CADM2: variants seen among roughly 807,000 people sequenced by gnomAD.
CADM2 encodes the protein cell adhesion molecule 2.
CADM2 carries 12 observed loss-of-function variants against 49.8 expected under a neutral mutation model. The ratio of observed to expected loss-of-function variants is 0.24; its 90% CI spans 0.15 to 0.39. CADM2 has a LOEUF of 0.39. CADM2 is among the 10% of genes least tolerant of loss of function. The pLI, the probability that CADM2 is intolerant of heterozygous loss-of-function variation, is 1.00. For missense variants in CADM2, 378 were observed against 492.3 expected, an observed-to-expected ratio of 0.77 and a Z score of 2.20; for synonymous variants, 214 against 175.4, an observed-to-expected ratio of 1.22 and a Z score of -1.74.
intron 2 of CADM2, among the ~76,000 whole-genome samples, chr3:85,753,770 C>A (rs546614111): frequency 6.6e-6 from 1 of 151,958 alleles, no homozygotes; most frequent in Admixed American, 6.6e-5. Flanking sequence ...TTAGTGGCCG[C>A]GAACTCGTAT....
intron 8 of CADM2, among the ~76,000 whole-genome samples, chr3:85,986,004 AT>A (rs1198432547): frequency 6.6e-6 from 1 of 152,052 alleles, no homozygotes; most frequent in Non-Finnish European, 1.5e-5. Context: ...TGACTTCAAA[AT>A]AAAATAAGCT....
intron 1 of CADM2, among the ~76,000 whole-genome samples, chr3:85,433,793 A>T (rs2107527527): frequency 6.6e-6 from 1 of 152,248 alleles, no homozygotes; most frequent in South Asian, 2.1e-4. Flanking sequence ...GAATTGCATT[A>T]TTTTGATGAA....
chr3:85,020,247 T>C (rs1277085842), intron 1 of CADM2, among the ~76,000 whole-genome samples: 1 of 152,090 alleles, frequency 6.6e-6, no homozygotes, highest in East Asian at 1.9e-4. Flanking sequence ...CAGCTGAAAA[T>C]ATCAGAAAAA....
In CADM2 at chr3:85,738,348, C is replaced by T. The variant is rs118179953; in HGVS notation, c.88+11800C>T. ...CTGATTGTCAGCAAATAAAACATCA[C>T]TTTTCATGCATGAAATATTTTTTCC... is the stretch of plus-strand genomic sequence containing the variant. On this transcript the variant is annotated intron_variant, in intron 2 of 9. Coordinates refer to ENST00000383699, the MANE Select transcript of CADM2 (RefSeq NM_001167675.2). Among the ~76,000 whole-genome samples, 165 of 152,268 alleles carry T rather than the reference C, an allele frequency of 1.1e-3. 2 individuals carry two copies. In the East Asian group the frequency reaches 0.028, roughly 26 times the overall value.
chr3:85,489,432 C>T (rs1191853837), intron 1 of CADM2, among the ~76,000 whole-genome samples: 1 of 152,054 alleles, frequency 6.6e-6, no homozygotes, highest in Non-Finnish European at 1.5e-5. Context: ...TACAAGTTTT[C>T]ATTTAATATA....
chr3:86,042,535 G>A (rs1261757400), intron 8 of CADM2, among the ~76,000 whole-genome samples: 1 of 152,134 alleles, frequency 6.6e-6, no homozygotes, highest in Non-Finnish European at 1.5e-5. Context: ...CCAGGAAGAA[G>A]TTGAATCTCT....
At chr3:85,416,435 C>T (rs1043863088) in intron 1 of CADM2, among the ~76,000 whole-genome samples, 5 of 152,146 alleles carry the variant, frequency 3.3e-5, no homozygotes, top group African/African-American at 9.7e-5. Context: ...AATATGTTTA[C>T]ATTTTCAAGG....
intron 3 of CADM2, among the ~76,000 whole-genome samples, chr3:85,841,637 G>A (rs1277757489): frequency 6.6e-6 from 1 of 151,912 alleles, no homozygotes; most frequent in East Asian, 1.9e-4. Context: ...GTGGCTGTTG[G>A]GGTGGACGAG....
chr3:86,014,039 TGAC>T (rs1731887203), intron 8 of CADM2: 3 of 1,342,444 alleles, frequency 2.2e-6, no homozygotes, highest in South Asian at 3.0e-5. Flanking sequence ...TTTTAGAACT[TGAC>T]GATGTAATTT....
intron 1 of CADM2, among the ~76,000 whole-genome samples, chr3:85,064,086 G>A (rs2036433893): frequency 6.6e-6 from 1 of 152,010 alleles, no homozygotes; most frequent in Admixed American, 6.6e-5. Context: ...AATTGTTTTG[G>A]TATGGCTGCT....
chr3:85,084,155 G>C (rs2037282859), intron 1 of CADM2, among the ~76,000 whole-genome samples: 1 of 152,098 alleles, frequency 6.6e-6, no homozygotes, highest in Non-Finnish European at 1.5e-5. Context: ...CTTTTCTGTA[G>C]TTGTAAGTCA....
At chr3:85,990,342 T>C (rs950038390) in intron 8 of CADM2, among the ~76,000 whole-genome samples, 1 of 152,204 alleles carries the variant, frequency 6.6e-6, no homozygotes, top group African/African-American at 2.4e-5. Context: ...GTAAGTGTTC[T>C]GAAAATGTTT....
intron 1 of CADM2, among the ~76,000 whole-genome samples, chr3:85,568,541 TTCTTTCTTTC>T (rs1436354347): frequency 6.7e-6 from 1 of 148,328 alleles, no homozygotes; most frequent in African/African-American, 2.5e-5. Flanking sequence ...TCTCTTTTCT[TTCTTTCTTTC>T]TCTTTCTTTC....
intron 1 of CADM2, among the ~76,000 whole-genome samples, chr3:85,000,396 G>A (rs1339729067): frequency 6.6e-6 from 1 of 151,610 alleles, no homozygotes; most frequent in African/African-American, 2.4e-5. Flanking sequence ...CCAAAGCACT[G>A]CTTCTATTCT....
chr3:85,576,989 TG>T (rs1353509991), intron 1 of CADM2, among the ~76,000 whole-genome samples: 25 of 152,136 alleles, frequency 1.6e-4, no homozygotes, highest in African/African-American at 5.8e-4. Flanking sequence ...CTGACTAAAA[TG>T]ACCATTGTGA....
At chr3:85,340,462 G>C (rs2107190214) in intron 1 of CADM2, among the ~76,000 whole-genome samples, 1 of 151,504 alleles carries the variant, frequency 6.6e-6, no homozygotes, top group African/African-American at 2.4e-5. Context: ...ACATATATAT[G>C]TGCATTATAG....
At chr3:85,504,994 C>T (rs1177406122) in intron 1 of CADM2, among the ~76,000 whole-genome samples, 1 of 152,138 alleles carries the variant, frequency 6.6e-6, no homozygotes, top group Non-Finnish European at 1.5e-5. Context: ...AAGCCCACGC[C>T]CACCCGGAAC....
rs377064681 is a variant in CADM2 at position 85,190,736 on chromosome 3, C to T, written c.61+231068C>T. 3.5e-4 allele frequency among the ~76,000 whole-genome samples: 54 copies of T among 152,224 alleles called. No individual in the cohort carries two copies. The South Asian group carries it at 0.011, about 30-fold the overall frequency. On this transcript the variant is annotated intron_variant, in intron 1 of 9. Coordinates refer to ENST00000383699, the MANE Select transcript of CADM2 (RefSeq NM_001167675.2). ...TCTGAATGCAATAAGGGAACATGCC[C>T]TCCTATGTGCTGCTGTCCTCAACTT...
chr3:85,904,578 G>C (rs143377673), intron 5 of CADM2, among the ~76,000 whole-genome samples: 73 of 152,224 alleles, frequency 4.8e-4, no homozygotes, highest in African/African-American at 1.7e-3. Flanking sequence ...ATAATTATTT[G>C]TTCATTTGCT....
Sources: allele counts gnomAD v4.1 joint callset (sites outside exome capture counted in the v4.1 genomes callset), GRCh38; gene constraint gnomAD v4.1.1; transcripts MANE v1.5; gene names NCBI Gene and HGNC (gene_info 2026-07-23, HGNC 2026-07-21).